Variants in TRPM1 observed in about 807,000 individuals in gnomAD.
The protein encoded by TRPM1 is TRPM1-203 APA Isoform, Intron 10.
In TRPM1, 113 loss-of-function variants were observed where a neutral mutation model predicts 149.4. That is an observed-to-expected ratio of 0.76 (90% CI 0.65 to 0.88). The LOEUF (loss-of-function observed/expected upper bound fraction) is 0.88, where lower values mean the gene tolerates loss of function less well. Among genes scored for constraint, TRPM1 ranks in the 40% least tolerant of loss-of-function variants. The pLI is 0.00. For synonymous variants in TRPM1, 741 were observed against 759.5 expected (o/e 0.98, Z 0.40); for missense variants, 1,976 against 2,038.7 (o/e 0.97, Z 0.59).
At chr15:31,088,312 T>G (rs1047188068) in intron 1 of TRPM1, among the ~76,000 whole-genome samples, 1 of 152,242 alleles carries the variant, frequency 6.6e-6, no homozygotes, top group African/African-American at 2.4e-5. Context: ...GCGCCAGCCC[T>G]GGCAATCCGC....
chr15:31,084,574 A>G (rs537327080), intron 1 of TRPM1, among the ~76,000 whole-genome samples: 1 of 152,242 alleles, frequency 6.6e-6, no homozygotes, highest in Admixed American at 6.5e-5. Context: ...ATTCCATTAC[A>G]TGAATTCATC....
At chr15:31,110,764 G>A (rs1412930981) in intron 1 of TRPM1, among the ~76,000 whole-genome samples, 2 of 152,148 alleles carry the variant, frequency 1.3e-5, no homozygotes, top group African/African-American at 4.8e-5. Flanking sequence ...AGTTATCAGT[G>A]GGAGGATCGA....
At chr15:31,117,664 ATACAC>A (rs749100117) in intron 1 of TRPM1, among the ~76,000 whole-genome samples, 2 of 17,990 alleles carry the variant, frequency 1.1e-4, no homozygotes, top group African/African-American at 6.4e-4. Context: ...AAAAAAAAAA[ATACAC>A]ACACACACAC....
intron 2 of TRPM1, among the ~76,000 whole-genome samples, chr15:31,078,571 A>G (rs1354695463): frequency 6.6e-6 from 1 of 152,210 alleles, no homozygotes; most frequent in Non-Finnish European, 1.5e-5. Context: ...CTGGCCTCAG[A>G]GGTTGGTGCT....
intron 26 of TRPM1, 171 bp from the exon 27 acceptor site, chr15:31,026,442 C>A: frequency 1.2e-6 from 1 of 814,566 alleles, no homozygotes; most frequent in East Asian, 2.7e-5. Flanking sequence ...TCATACGCCC[C>A]AACCCTCTAT....
intron 1 of TRPM1, among the ~76,000 whole-genome samples, chr15:31,149,780 A>G (rs1378597523): frequency 1.3e-5 from 2 of 152,084 alleles, no homozygotes; most frequent in South Asian, 2.1e-4. Context: ...TGGCCTCCCA[A>G]AGTGCTGGGA....
chr15:31,028,502 T>C, intron 24 of TRPM1, 26 bp from the exon 25 acceptor site: 1 of 1,613,150 alleles, frequency 6.2e-7, no homozygotes, highest in Non-Finnish European at 8.5e-7. Flanking sequence ...AGTTTTGTCT[T>C]TGCTTTTTAC....
intron 1 of TRPM1, among the ~76,000 whole-genome samples, chr15:31,111,025 G>GT (rs1323164316): frequency 1.3e-5 from 2 of 151,658 alleles, no homozygotes; most frequent in African/African-American, 2.4e-5. Context: ...GCATTTAATG[G>GT]TTTTTTGTTT....
At chr15:31,051,166 T>C (rs1234741689) in intron 11 of TRPM1, among the ~76,000 whole-genome samples, 2 of 152,094 alleles carry the variant, frequency 1.3e-5, no homozygotes, top group Admixed American at 6.5e-5. Context: ...GAGTGTGTGC[T>C]CTACTCCAGA....
Position 31,068,039 on chromosome 15 carries a change from C to T in TRPM1, c.333G>A (p.Val111=). ...TKPDSLLHLM[V]KDWQLELPKL... ...TGGGGAGTTCCAGCTGCCAATCTTTCACCATGAGATGGAGCAGTGAGTCTG... is the reference window on the plus strand; with the variant it reads ...TGGGGAGTTCCAGCTGCCAATCTTTTACCATGAGATGGAGCAGTGAGTCTG... The change falls in exon 5 of 28, where the codon GTG becomes GTA. Residue 111 remains valine, a synonymous_variant. Coordinates refer to ENST00000256552, the MANE Select transcript of TRPM1 (RefSeq NM_001252024.2). The T allele has an allele frequency of 3.7e-6, 6 of 1,614,200 alleles. No homozygotes were observed. Among genetic ancestry groups the T allele is most frequent in the Non-Finnish European group, 5.1e-6 (6 of 1,180,032 alleles).
At chr15:31,117,663 A>ATACACACACAC (rs869149260) in intron 1 of TRPM1, among the ~76,000 whole-genome samples, 2 of 47,032 alleles carry the variant, frequency 4.3e-5, no homozygotes, top group African/African-American at 1.4e-4. Context: ...AAAAAAAAAA[A>ATACACACACAC]ATACACACAC....
At chr15:31,072,883 A>G (rs569258145) in intron 3 of TRPM1, among the ~76,000 whole-genome samples, 1 of 151,890 alleles carries the variant, frequency 6.6e-6, no homozygotes, top group East Asian at 1.9e-4. Flanking sequence ...TTTTTTTTTA[A>G]TTATTGGATC....
chr15:31,048,126 G>C (rs557647731), intron 13 of TRPM1, among the ~76,000 whole-genome samples, 187 bp from the exon 14 acceptor site: 3 of 152,290 alleles, frequency 2.0e-5, no homozygotes, highest in South Asian at 4.1e-4. Flanking sequence ...AGCTGGGCGT[G>C]GTGGTGGGCA....
chr15:31,118,890 C>T (rs191516688), intron 1 of TRPM1, among the ~76,000 whole-genome samples: 18 of 137,728 alleles, frequency 1.3e-4, no homozygotes, highest in African/African-American at 5.2e-4. Flanking sequence ...GGTTTCAACA[C>T]ATGAATTTGA....
intron 1 of TRPM1, among the ~76,000 whole-genome samples, chr15:31,090,367 G>A (rs565027849): frequency 4.4e-4 from 67 of 152,078 alleles, no homozygotes; most frequent in Non-Finnish European, 8.5e-4. Context: ...GGCTGGGCGT[G>A]GTGGCTCATG....
intron 11 of TRPM1, among the ~76,000 whole-genome samples, chr15:31,050,984 A>T (rs759361663): frequency 2.0e-5 from 3 of 152,254 alleles, no homozygotes; most frequent in African/African-American, 7.2e-5. Context: ...ACATGTGTCC[A>T]TAGTTGTTTA....
rs750865661 is a variant in TRPM1 at position 31,027,066 on chromosome 15, C to T, written c.3345G>A (p.Gln1115=). The part of the protein sequence containing the change: ...KSISNQVWKF[Q]RYQLIMTFHD... ...GAAATGTCATAATCAGCTGATATCG[C>T]TGGAACTTCCACACCTGGTTGGATA... is the stretch of plus-strand genomic sequence containing the variant. Residue 1115 remains glutamine (Q), a synonymous_variant, in exon 26 of 28, where the codon CAG becomes CAA. Coordinates refer to ENST00000256552, the MANE Select transcript of TRPM1 (RefSeq NM_001252024.2). The T allele has an allele frequency of 6.2e-7, 1 of 1,614,226 alleles. No individual in the cohort carries two copies. The highest frequency in any genetic ancestry group is 8.5e-7 in the Non-Finnish European group (1 of 1,180,052).
upstream of TRPM1, chr15:31,101,729 T>C (rs1374842288): frequency 1.0e-6 from 1 of 985,774 alleles, no homozygotes; most frequent in East Asian, 1.1e-4. Flanking sequence ...GGCAGGGAGC[T>C]GGGTGAGGAG....
Position 31,077,004 on chromosome 15 carries a change from G to T in TRPM1, c.4-20C>A. The T allele has an allele frequency of 1.3e-6, 2 of 1,555,670 alleles. No individual in the cohort carries two copies. The highest frequency in any genetic ancestry group is 1.8e-6 in the Non-Finnish European group (2 of 1,127,636). ...CTGACCCTGGAAGAGAGAGAGAAGT[G>T]GATATTGGACCAATACATTCCCAAG... On this transcript the variant is annotated intron_variant, in intron 2 of 27. Transcript: ENST00000256552.
Sources: allele counts gnomAD v4.1 joint callset (sites outside exome capture counted in the v4.1 genomes callset), GRCh38; gene constraint gnomAD v4.1.1; transcripts MANE v1.5; gene names NCBI Gene and HGNC (gene_info 2026-07-23, HGNC 2026-07-21).